ANAPC2: variants seen among roughly 807,000 people sequenced by gnomAD.
The protein encoded by ANAPC2 is anaphase promoting complex subunit 2, also known as anaphase-promoting complex subunit 2.
In ANAPC2, 29 loss-of-function variants were observed where a neutral mutation model predicts 84.3. That is an observed-to-expected ratio of 0.34 (90% CI 0.26 to 0.47). The LOEUF is 0.47. Ranked by LOEUF, ANAPC2 falls within the 20% of genes least tolerant of loss-of-function variation. The pLI is 1.00. For synonymous variants in ANAPC2, 571 were observed against 479.4 expected (o/e 1.19, Z -2.50); for missense variants, 857 against 1,131.7 (o/e 0.76, Z 3.48).
intron 1 of ANAPC2, 28 bp from the exon 2 acceptor site, chr9:137,188,131 G>T (rs774077824): frequency 6.2e-7 from 1 of 1,600,778 alleles, no homozygotes; most frequent in South Asian, 1.1e-5. Context: ...GTGAGGCGAG[G>T]GGAACACAAC....
chr9:137,185,215 G>GGC, intron 3 of ANAPC2, 128 bp from the exon 4 acceptor site: 1 of 976,076 alleles, frequency 1.0e-6, no homozygotes, highest in Non-Finnish European at 1.5e-6. Context: ...AAGGCCACCT[G>GGC]CGTCTGGAGG....
chr9:137,176,200 C>T (rs1368968504), intron 10 of ANAPC2: 3 of 168,884 alleles, frequency 1.8e-5, no homozygotes, highest in Non-Finnish European at 3.4e-5. Context: ...AAGACACAGG[C>T]AGGCGGGGAG....
chr9:137,184,951 G>C lies in ANAPC2; in HGVS notation c.1010C>G (p.Ala337Gly). ...GAAGAGCTCCTCGATGCGCAGGCTG[G>C]CGTAGATGCGGTAGAAGAACCTTTG... ...HVQRFFYRIY[A>G]SLRIEELFSI... Residue 337 changes from alanine (A) to glycine (G), a missense_variant, in exon 4 of 13, where the codon GCC (alanine) becomes GGC (glycine). Around this residue, in one of 3 missense-constraint regions of ANAPC2, gnomAD observed 428 missense variants for 513.8 expected, o/e 0.83. Coordinates refer to ENST00000323927, the MANE Select transcript of ANAPC2 (RefSeq NM_013366.4). 9.9e-6 allele frequency: 16 copies of C among 1,612,706 alleles called. No homozygotes were observed. The highest frequency in any genetic ancestry group is 1.4e-5 in the Non-Finnish European group (16 of 1,179,732).
intron 3 of ANAPC2, 105 bp downstream of exon 3, chr9:137,186,119 A>G: frequency 3.4e-5 from 52 of 1,513,944 alleles, no homozygotes; most frequent in Non-Finnish European, 4.7e-5. Flanking sequence ...GTCTGGGCCC[A>G]CCCAGGCCTC....
intron 1 of ANAPC2, 83 bp from the exon 2 acceptor site, chr9:137,188,186 G>C: frequency 2.6e-6 from 4 of 1,511,558 alleles, no homozygotes; most frequent in Non-Finnish European, 3.5e-6. Context: ...TGAGGGGGAG[G>C]CTGCAAAAAC....
rs770028631 is a variant in ANAPC2 at position 137,174,893 on chromosome 9, G to T, written c.*49C>A. ...CGGGGGCTGGCACGGGAGGACGAGA[G>T]CACCTGCAGGGCAGCGCCTGGCGGG... On this transcript the variant is annotated 3_prime_UTR_variant, in exon 13 of 13. Transcript: ENST00000323927. This position sits in a 1 kb window ranked among gnomAD's most constrained non-coding sequence, Gnocchi z 6.1. The T allele has an allele frequency of 1.5e-6, 2 of 1,335,226 alleles. No individual in the cohort carries two copies. Among genetic ancestry groups the T allele is most frequent in the Non-Finnish European group, 1.9e-6 (2 of 1,026,988 alleles). 82.7% of individuals were successfully genotyped at this position (1,335,226 alleles called of 1,614,324 possible). A position where few individuals can be genotyped will look rare whatever the true frequency, so the allele number is the denominator to read the frequency against.
chr9:137,174,972 G>A lies in ANAPC2; in HGVS notation c.2439C>T (p.Gly813=), dbSNP rs780285803. Reference sequence around the variant, plus strand: ...TGCAGTTCTTGGGCAGGCGGTAGACGCCGGCCGAGTAGACGAGCTGCTGGT... The same window carrying A: ...TGCAGTTCTTGGGCAGGCGGTAGACACCGGCCGAGTAGACGAGCTGCTGGT... ...VRDQQLVYSA[G]VYRLPKNCS Residue 813 remains glycine (G), a synonymous_variant, in exon 13 of 13, where the codon GGC becomes GGT. Coordinates refer to ENST00000323927, the MANE Select transcript of ANAPC2 (RefSeq NM_013366.4). This position sits in a 1 kb window ranked among gnomAD's most constrained non-coding sequence, Gnocchi z 6.1. 9.4e-6 allele frequency: 15 copies of A among 1,591,828 alleles called. No homozygotes were observed. In the African/African-American group the frequency reaches 1.3e-4, roughly 14 times the overall value.
chr9:137,188,326 A>G (rs1834524605), intron 1 of ANAPC2, 90 bp downstream of exon 1: 2 of 1,417,356 alleles, frequency 1.4e-6, no homozygotes, highest in Non-Finnish European at 1.9e-6. Flanking sequence ...GATGATGGAC[A>G]GAGCCGTATG....
intron 10 of ANAPC2, among the ~76,000 whole-genome samples, chr9:137,178,789 G>A (rs1588757993): frequency 6.6e-6 from 1 of 152,158 alleles, no homozygotes; most frequent in East Asian, 1.9e-4. Context: ...GGAGGCAGCA[G>A]GCATTCGCCA....
intron 1 of ANAPC2, 67 bp from the exon 2 acceptor site, chr9:137,188,170 A>C: frequency 6.4e-7 from 1 of 1,550,808 alleles, no homozygotes; most frequent in Non-Finnish European, 8.7e-7. Flanking sequence ...GGGGAAGGGA[A>C]GAAGCTGAGG....
chr9:137,181,637 G>A (rs781142743), intron 7 of ANAPC2, 44 bp downstream of exon 7: 1 of 1,524,732 alleles, frequency 6.6e-7, no homozygotes, highest in Non-Finnish European at 8.8e-7. Context: ...CCTGGCTGAA[G>A]CGCCCCCCAC....
chr9:137,182,672 G>A (rs963615602), intron 6 of ANAPC2, among the ~76,000 whole-genome samples: 3 of 152,154 alleles, frequency 2.0e-5, no homozygotes, highest in East Asian at 1.9e-4. Flanking sequence ...TGCGACCCCT[G>A]AGGAATTCCC....
chr9:137,184,878 C>T lies in ANAPC2; in HGVS notation c.1048+35G>A, dbSNP rs759189626. The T allele has an allele frequency of 1.4e-5, 23 of 1,603,828 alleles. No homozygotes were observed. The East Asian group carries it at 2.5e-4, about 17-fold the overall frequency. On this transcript the variant is annotated intron_variant, in intron 4 of 12. Coordinates refer to ENST00000323927, the MANE Select transcript of ANAPC2 (RefSeq NM_013366.4). Reference sequence around the variant, plus strand: ...GAAGGCCCTGGGAAGACTCCCCAGACGGGAGAGCGGACCCCAGGGCCGGGG... The same window carrying T: ...GAAGGCCCTGGGAAGACTCCCCAGATGGGAGAGCGGACCCCAGGGCCGGGG...
intron 10 of ANAPC2, 132 bp downstream of exon 10, chr9:137,180,049 C>T (rs904690955): frequency 1.5e-5 from 14 of 957,014 alleles, no homozygotes; most frequent in East Asian, 2.6e-5. Context: ...CCTGCAGAGG[C>T]GGCTGCGAGA....
chr9:137,178,429 G>C (rs1316789629), intron 10 of ANAPC2, among the ~76,000 whole-genome samples: 1 of 152,260 alleles, frequency 6.6e-6, no homozygotes, highest in East Asian at 1.9e-4. Context: ...AGCACATCAG[G>C]CCTGAGCAAC....
chr9:137,174,920 G>GGGCA lies in ANAPC2; in HGVS notation c.*21_*22insTGCC. ...ACCTGCAGGGCAGCGCCTGGCGGGC[G>GGGCA]GGCGGGCGGGCGGGCGATGTGTCAG... On this transcript the variant is annotated 3_prime_UTR_variant, in exon 13 of 13. Coordinates refer to ENST00000323927, the MANE Select transcript of ANAPC2 (RefSeq NM_013366.4). The surrounding 1 kb of genome is among the most constrained non-coding windows in gnomAD (Gnocchi z 6.1). 2.0e-6 allele frequency: 3 copies of GGGCA among 1,476,592 alleles called. No homozygotes were observed. The highest frequency in any genetic ancestry group is 2.7e-6 in the Non-Finnish European group (3 of 1,112,998). 91.5% of individuals were successfully genotyped at this position (1,476,592 alleles called of 1,614,324 possible).
Position 137,188,471 on chromosome 9 carries a change from A to G in ANAPC2, c.62T>C (p.Leu21Ser). ...DSDSRPGQELLVAWNTVSTGL... is the reference protein window; with the variant it reads ...DSDSRPGQELSVAWNTVSTGL... ...GGTGCTCACGGTGTTCCAGGCCACT[A>G]ACAACTCCTGTCCGGGCCGGGAGTC... is the stretch of plus-strand genomic sequence containing the variant. Residue 21 changes from leucine to serine, a missense_variant, in exon 1 of 13, where the codon TTA becomes TCA. Coordinates refer to ENST00000323927, the MANE Select transcript of ANAPC2 (RefSeq NM_013366.4). 1 of 1,610,510 alleles carries G rather than the reference A, an allele frequency of 6.2e-7. No homozygotes were observed. Among genetic ancestry groups the G allele is most frequent in the Non-Finnish European group, 8.5e-7 (1 of 1,179,538 alleles).
At chr9:137,178,003 T>C (rs181763529) in intron 10 of ANAPC2, among the ~76,000 whole-genome samples, 1 of 150,968 alleles carries the variant, frequency 6.6e-6, no homozygotes, top group East Asian at 1.9e-4. Context: ...TGTAAAATGA[T>C]ATGTTTCTTT....
intron 10 of ANAPC2, chr9:137,176,277 T>C (rs1398992045): frequency 6.3e-6 from 1 of 159,800 alleles, no homozygotes. Context: ...CCAAGGGCTG[T>C]GGCAAACACC....
Sources: allele counts gnomAD v4.1 joint callset (sites outside exome capture counted in the v4.1 genomes callset), GRCh38; gene constraint gnomAD v4.1.1; regional missense constraint gnomAD v4.1.1; non-coding constraint Gnocchi (gnomAD v3.1); transcripts MANE v1.5; gene names NCBI Gene and HGNC (gene_info 2026-07-23, HGNC 2026-07-21).